Variants in CFAP77 observed in about 807,000 individuals in gnomAD.
CFAP77 encodes cilia- and flagella-associated protein 77.
In CFAP77, 25 loss-of-function variants were observed where a neutral mutation model predicts 31.1. The observed-to-expected ratio is 0.80, with a 90% CI of 0.59 to 1.12. CFAP77 has a LOEUF of 1.12. Among genes scored for constraint, CFAP77 ranks in the 50% most tolerant of loss-of-function variants. The pLI, the probability that CFAP77 is intolerant of heterozygous loss-of-function variation, is 0.00. For synonymous variants in CFAP77, 151 were observed against 159.9 expected (o/e 0.94, Z 0.42); for missense variants, 377 against 397.3 (o/e 0.95, Z 0.44).
chr9:132,426,172 C>A (rs1475855794), intron 1 of CFAP77, among the ~76,000 whole-genome samples: 1 of 152,158 alleles, frequency 6.6e-6, no homozygotes, highest in East Asian at 1.9e-4. Flanking sequence ...CCAATGTTAT[C>A]TTTTATTTGT....
chr9:132,421,398 T>G (rs1850213930), intron 1 of CFAP77, among the ~76,000 whole-genome samples: 1 of 152,206 alleles, frequency 6.6e-6, no homozygotes, highest in African/African-American at 2.4e-5. Flanking sequence ...TATGCAATTT[T>G]GGGATCCCTC....
intron 1 of CFAP77, among the ~76,000 whole-genome samples, chr9:132,464,996 C>T (rs1019311897): frequency 8.0e-5 from 12 of 149,256 alleles, no homozygotes; most frequent in African/African-American, 2.5e-4. Context: ...ATTACTTGAA[C>T]CTGGGAGGTG....
intron 5 of CFAP77, among the ~76,000 whole-genome samples, chr9:132,556,270 GTCC>G (rs983659246): frequency 6.6e-6 from 1 of 152,088 alleles, no homozygotes; most frequent in African/African-American, 2.4e-5. Flanking sequence ...AAAAGAAAAA[GTCC>G]TCCTCCCCAC....
intron 1 of CFAP77, among the ~76,000 whole-genome samples, chr9:132,420,705 A>C (rs2131679762): frequency 1.3e-5 from 2 of 152,108 alleles, no homozygotes; most frequent in East Asian, 3.9e-4. Context: ...TAACTCTATG[A>C]TTCTATGCAT....
Position 132,498,789 on chromosome 9 carries a change from C to T in CFAP77, c.290C>T (p.Pro97Leu). The T allele has an allele frequency of 6.2e-7, 1 of 1,606,466 alleles. No homozygotes were observed. ...LYIRGLDGGV[P>L]EAIGRWNVFK... is the part of the protein sequence containing the mutation. ...ATCCGAGGGCTTGACGGAGGAGTCC[C>T]TGAAGGTGAGCGAGCAGCTTTGGAG... The change falls in exon 2 of 6, where the codon CCT (proline) becomes CTT (leucine). Residue 97 changes from proline to leucine, a missense_variant. Coordinates refer to ENST00000393216, the MANE Select transcript of CFAP77 (RefSeq NM_001282957.2). This position sits in a 1 kb window ranked among gnomAD's most constrained non-coding sequence, Gnocchi z 4.2.
chr9:132,545,169 T>C lies in CFAP77; in HGVS notation c.732+2122T>C, dbSNP rs1203703093. Among the ~76,000 whole-genome samples, 1 of 152,272 alleles carries C rather than the reference T, an allele frequency of 6.6e-6. No individual in the cohort carries two copies. The highest frequency in any genetic ancestry group is 1.5e-5 in the Non-Finnish European group (1 of 68,046). On this transcript the variant is annotated intron_variant, in intron 5 of 5. Coordinates refer to ENST00000393216, the MANE Select transcript of CFAP77 (RefSeq NM_001282957.2). The surrounding 1 kb of genome is among the most constrained non-coding windows in gnomAD (Gnocchi z 4.6). ...GATTTGACTCAGCTGACCATGGGTC[T>C]GCCAGTCTTGAGACCGTTGTTCTGA...
In CFAP77 at chr9:132,447,281, C is replaced by T. The variant is rs181471640; in HGVS notation, c.195+36815C>T. Among the ~76,000 whole-genome samples, 5 of 152,348 alleles carry T rather than the reference C, an allele frequency of 3.3e-5. No individual in the cohort carries two copies. The East Asian group carries it at 9.6e-4, about 29-fold the overall frequency. The stretch of plus-strand genomic sequence containing the variant: ...GCAGCTGGAAGTGCTGGGCTTCCAT[C>T]TGTCAGTTAGAACCTGCCTCTTTCT... On this transcript the variant is annotated intron_variant, in intron 1 of 5. Transcript: ENST00000393216.
Position 132,481,445 on chromosome 9 carries a change from C to T in CFAP77, c.196-17250C>T, listed in dbSNP as rs759076426. Among the ~76,000 whole-genome samples, 1 of 152,218 alleles carries T rather than the reference C, an allele frequency of 6.6e-6. No individual in the cohort carries two copies. Among genetic ancestry groups the T allele is most frequent in the South Asian group, 2.1e-4 (1 of 4,834 alleles). ...CTAATCCTCGAACTCACTCCTTACA[C>T]TCCTCCCTCCCCAGCAAGATTTCAT... On this transcript the variant is annotated intron_variant, in intron 1 of 5. Coordinates refer to ENST00000393216, the MANE Select transcript of CFAP77 (RefSeq NM_001282957.2). The surrounding 1 kb of genome is among the most constrained non-coding windows in gnomAD (Gnocchi z 5.0).
At chr9:132,514,643 C>T (rs1589899116) in intron 3 of CFAP77, among the ~76,000 whole-genome samples, 1 of 152,288 alleles carries the variant, frequency 6.6e-6, no homozygotes, top group East Asian at 1.9e-4. Context: ...TGAATTCATC[C>T]TTGTGAAAAG....
At chr9:132,494,180 G>A (rs751765386) in intron 1 of CFAP77, among the ~76,000 whole-genome samples, 18 of 152,262 alleles carry the variant, frequency 1.2e-4, no homozygotes, top group Admixed American at 5.9e-4. Flanking sequence ...CCAAAGGGCC[G>A]GGATTACAGG....
At chr9:132,485,328 A>G (rs183677261) in intron 1 of CFAP77, among the ~76,000 whole-genome samples, 68 of 152,076 alleles carry the variant, frequency 4.5e-4, no homozygotes, top group African/African-American at 1.6e-3. Flanking sequence ...CATGATACCT[A>G]TTTTCTAGGT....
chr9:132,553,841 TTGTGACTGAAAC>T lies in CFAP77; in HGVS notation c.732+10798_732+10809del, dbSNP rs1852857073. On this transcript the variant is annotated intron_variant, in intron 5 of 5. Transcript: ENST00000393216. ...CATTTCTATATATTTTTAAATAAAA[TTGTGACTGAAAC>T]TGTCTATCAACGCCACTTGAATCAC... Among the ~76,000 whole-genome samples, 3 of 152,380 alleles carry T rather than the reference TTGTGACTGAAAC, an allele frequency of 2.0e-5. No homozygotes were observed. The South Asian group carries it at 6.2e-4, about 32-fold the overall frequency.
At chr9:132,427,621 A>AC (rs1850338952) in intron 1 of CFAP77, among the ~76,000 whole-genome samples, 1 of 152,114 alleles carries the variant, frequency 6.6e-6, no homozygotes, top group South Asian at 2.1e-4. Flanking sequence ...TCTCAAAAAA[A>AC]AACAACAACA....
At chr9:132,416,219 G>A (rs1850093105) in intron 1 of CFAP77, among the ~76,000 whole-genome samples, 1 of 152,016 alleles carries the variant, frequency 6.6e-6, no homozygotes, top group Admixed American at 6.6e-5. Flanking sequence ...TCTCAGGTTG[G>A]CTGGACAAAA....
intron 3 of CFAP77, among the ~76,000 whole-genome samples, chr9:132,535,200 T>A (rs1042072314): frequency 1.1e-4 from 17 of 152,246 alleles, no homozygotes; most frequent in Non-Finnish European, 2.4e-4. Flanking sequence ...ATTACACAGG[T>A]TTTTTTCTAC....
chr9:132,471,659 G>T (rs1247828088), intron 1 of CFAP77, among the ~76,000 whole-genome samples: 2 of 151,796 alleles, frequency 1.3e-5, no homozygotes, highest in Non-Finnish European at 2.9e-5. Flanking sequence ...ATTTTTCTAT[G>T]CAGGAGCATT....
At chr9:132,534,164 C>T (rs1267315907) in intron 3 of CFAP77, among the ~76,000 whole-genome samples, 2 of 152,246 alleles carry the variant, frequency 1.3e-5, no homozygotes, top group Non-Finnish European at 2.9e-5. Flanking sequence ...CATGACCCAT[C>T]TGCTGGGAAG....
intron 3 of CFAP77, chr9:132,513,395 TG>T: frequency 2.0e-6 from 3 of 1,515,360 alleles, no homozygotes; most frequent in Non-Finnish European, 2.7e-6. Flanking sequence ...AAATAAAACG[TG>T]TCAAACACAA....
At chr9:132,482,513 C>T (rs1001358458) in intron 1 of CFAP77, 8 of 869,242 alleles carry the variant, frequency 9.2e-6, no homozygotes, top group Middle Eastern at 6.0e-4. Flanking sequence ...GTGCTGGGCA[C>T]CCGTGGCGCT....
Sources: gnomAD v4.1 joint callset for allele counts (sites outside exome capture counted in the v4.1 genomes callset) on GRCh38, gnomAD v4.1.1 for gene constraint, Gnocchi (gnomAD v3.1) non-coding constraint, MANE v1.5 for transcripts, NCBI Gene and HGNC (gene_info 2026-07-23, HGNC 2026-07-21) for gene names.